The following PARD3B variants were observed in gnomAD, a reference collection of about 807,000 sequenced individuals.
The protein encoded by PARD3B is partitioning defective 3 homolog B.
PARD3B carries 103 observed loss-of-function variants against 130.2 expected under a neutral mutation model. The observed-to-expected ratio is 0.79, with a 90% confidence interval of 0.67 to 0.93. PARD3B has a LOEUF of 0.93. PARD3B is among the 40% of genes least tolerant of loss of function. The pLI, the probability that PARD3B is intolerant of heterozygous loss-of-function variation, is 0.00. For synonymous variants in PARD3B, 583 were observed against 553.2 expected (o/e 1.05, Z -0.76); for missense variants, 1,609 against 1,499.2 (o/e 1.07, Z -1.21).
intron 4 of PARD3B, among the ~76,000 whole-genome samples, chr2:205,055,110 G>A (rs1029106796): frequency 1.1e-4 from 17 of 152,100 alleles, no homozygotes; most frequent in South Asian, 4.1e-4. Flanking sequence ...CACTTAAGAC[G>A]TTATCACAAA....
At chr2:205,599,410 A>G (rs2054696072) in intron 22 of PARD3B, among the ~76,000 whole-genome samples, 1 of 152,226 alleles carries the variant, frequency 6.6e-6, no homozygotes, top group East Asian at 1.9e-4. Context: ...AAGTTGTATT[A>G]TCATGCCAGT....
intron 18 of PARD3B, among the ~76,000 whole-genome samples, chr2:205,375,418 G>C (rs1208468011): frequency 1.3e-5 from 2 of 152,184 alleles, no homozygotes; most frequent in East Asian, 1.9e-4. Context: ...AGAGCCCTCT[G>C]GGTCAGTGTA....
intron 20 of PARD3B, among the ~76,000 whole-genome samples, chr2:205,498,603 G>T (rs947012515): frequency 3.3e-5 from 5 of 152,344 alleles, no homozygotes; most frequent in Admixed American, 6.5e-5. Context: ...CCTGGTATGT[G>T]TGTAAGGCAG....
At chr2:205,266,956 G>A (rs531430316) in intron 16 of PARD3B, among the ~76,000 whole-genome samples, 8 of 152,034 alleles carry the variant, frequency 5.3e-5, no homozygotes, top group African/African-American at 1.7e-4. Flanking sequence ...CAACAAAAAC[G>A]ATCTCATCCT....
Position 205,446,128 on chromosome 2 carries a change from G to A in PARD3B, c.3044+5456G>A, listed in dbSNP as rs191819666. On this transcript the variant is annotated intron_variant, in intron 20 of 22. Transcript: ENST00000406610. This position sits in a 1 kb window ranked among gnomAD's most constrained non-coding sequence, Gnocchi z 4.4. ...GAGAGGAAGCATGATGTGTTAGGGG[G>A]ACTGAAAGACTCTCAGTAAAATAGA... Among the ~76,000 whole-genome samples the A allele has an allele frequency of 6.6e-6, 1 of 152,260 alleles. No homozygotes were observed. Among genetic ancestry groups the A allele is most frequent in the East Asian group, 1.9e-4 (1 of 5,172 alleles).
chr2:204,608,435 C>G (rs942964262), intron 1 of PARD3B, among the ~76,000 whole-genome samples: 2 of 152,116 alleles, frequency 1.3e-5, no homozygotes, highest in African/African-American at 4.8e-5. Flanking sequence ...ATGGGGAGGA[C>G]ACGGAATAAA....
At chr2:205,200,879 T>C (rs1049905168) in intron 15 of PARD3B, among the ~76,000 whole-genome samples, 5 of 152,164 alleles carry the variant, frequency 3.3e-5, no homozygotes, top group African/African-American at 9.7e-5. Flanking sequence ...ATTGTATAAG[T>C]GTAGGATTTA....
chr2:205,254,672 T>TC (rs1559591860), intron 16 of PARD3B, among the ~76,000 whole-genome samples: 1 of 151,194 alleles, frequency 6.6e-6, no homozygotes, highest in East Asian at 1.9e-4. Context: ...TTATTTTATT[T>TC]TTTTTTTTTG....
chr2:205,420,061 C>T (rs2046914048), intron 19 of PARD3B, among the ~76,000 whole-genome samples: 1 of 152,202 alleles, frequency 6.6e-6, no homozygotes, highest in African/African-American at 2.4e-5. Flanking sequence ...CCGTAACACA[C>T]CTGGTCCCCT....
intron 3 of PARD3B, among the ~76,000 whole-genome samples, chr2:205,042,085 T>G (rs1483011989): frequency 6.6e-6 from 1 of 152,216 alleles, no homozygotes; most frequent in Admixed American, 6.5e-5. Context: ...GCATGATTCA[T>G]TGGTATACCA....
chr2:204,787,599 G>A (rs917315817), intron 2 of PARD3B, among the ~76,000 whole-genome samples: 4 of 152,164 alleles, frequency 2.6e-5, no homozygotes, highest in African/African-American at 9.7e-5. Flanking sequence ...GACCATGTAA[G>A]TGAAAGAGTT....
intron 2 of PARD3B, among the ~76,000 whole-genome samples, chr2:204,764,376 T>A (rs1054891900): frequency 9.9e-5 from 15 of 152,184 alleles, no homozygotes; most frequent in African/African-American, 3.1e-4. Flanking sequence ...AAATCTCCTG[T>A]GTAGCCTTTC....
At position 205,300,043 on chromosome 2, in the gene PARD3B, A is replaced by G. The variant is rs1267649264; in HGVS notation, c.2186-487A>G. On this transcript the variant is annotated intron_variant, in intron 16 of 22. Transcript: ENST00000406610. The surrounding 1 kb of genome is among the most constrained non-coding windows in gnomAD (Gnocchi z 4.1). ...ACTAATCATATGAGCAACCATGGCA[A>G]TGATAAAAGCTGTCAGGTGTGGGAG... 6.6e-6 allele frequency among the ~76,000 whole-genome samples: 1 copy of G among 152,200 alleles called. No homozygotes were observed. The highest frequency in any genetic ancestry group is 1.5e-5 in the Non-Finnish European group (1 of 68,038).
intron 2 of PARD3B, among the ~76,000 whole-genome samples, chr2:204,934,938 G>A (rs1349410858): frequency 6.6e-6 from 1 of 151,988 alleles, no homozygotes; most frequent in East Asian, 1.9e-4. Flanking sequence ...TAATTGTTCT[G>A]AGCACAGATT....
intron 21 of PARD3B, among the ~76,000 whole-genome samples, chr2:205,502,523 G>A (rs2050194659): frequency 1.3e-5 from 2 of 152,152 alleles, no homozygotes; most frequent in African/African-American, 4.8e-5. Context: ...CAAAACCACT[G>A]TGGACCAGCA....
In PARD3B at chr2:205,142,565, C is replaced by T. The variant is rs2033045606; in HGVS notation, c.1435-16157C>T. ...ACATAATTTCTGCCCTTGATGAGAT[C>T]ACAGTGGTATAGCAGAGTTAAGATA... is the stretch of plus-strand genomic sequence containing the variant. On this transcript the variant is annotated intron_variant, in intron 10 of 22. Coordinates refer to ENST00000406610, the MANE Select transcript of PARD3B (RefSeq NM_001302769.2). The surrounding 1 kb of genome is among the most constrained non-coding windows in gnomAD (Gnocchi z 4.3). 6.6e-6 allele frequency among the ~76,000 whole-genome samples: 1 copy of T among 152,000 alleles called. No homozygotes were observed. The highest frequency in any genetic ancestry group is 6.6e-5 in the Admixed American group (1 of 15,246).
chr2:205,232,700 G>T (rs939585919), intron 15 of PARD3B, among the ~76,000 whole-genome samples: 1 of 152,076 alleles, frequency 6.6e-6, no homozygotes, highest in African/African-American at 2.4e-5. Context: ...AGCTATGGAA[G>T]ATATAAAAGA....
intron 22 of PARD3B, among the ~76,000 whole-genome samples, chr2:205,601,113 C>A (rs973126745): frequency 6.6e-6 from 1 of 152,194 alleles, no homozygotes. Flanking sequence ...ATTTAGATTG[C>A]CAACAACAGT....
chr2:204,918,629 CA>C (rs549430207), intron 2 of PARD3B, among the ~76,000 whole-genome samples: 2,805 of 101,134 alleles, frequency 0.028, 56 homozygotes, highest in African/African-American at 0.1. Flanking sequence ...GACTCCGTCT[CA>C]AAAAAAAAAA....
Sources: gnomAD v4.1 joint callset for allele counts (sites outside exome capture counted in the v4.1 genomes callset) on GRCh38, gnomAD v4.1.1 for gene constraint, Gnocchi (gnomAD v3.1) non-coding constraint, MANE v1.5 for transcripts, NCBI Gene and HGNC (gene_info 2026-07-23, HGNC 2026-07-21) for gene names.